ST7: variants seen among roughly 807,000 people sequenced by gnomAD.
ST7 encodes suppressor of tumorigenicity 7 protein.
ST7 carries 28 observed loss-of-function variants against 78.7 expected under a neutral mutation model. The ratio of observed to expected loss-of-function variants is 0.36; its 90% CI spans 0.26 to 0.49. ST7 has a LOEUF of 0.49. ST7 is among the 20% of genes least tolerant of loss of function. ST7 has a pLI of 0.99. For synonymous variants in ST7, 247 were observed against 249.6 expected, an observed-to-expected ratio of 0.99 and a Z score of 0.10; for missense variants, 418 against 696.0, an observed-to-expected ratio of 0.60 and a Z score of 4.49.
chr7:117,171,826 A>G (rs1808013563), intron 10 of ST7, among the ~76,000 whole-genome samples: 1 of 152,048 alleles, frequency 6.6e-6, no homozygotes, highest in Non-Finnish European at 1.5e-5. Context: ...TACTTATTAT[A>G]TAATCATTTT....
At chr7:117,127,169 A>G (rs1324529587) in intron 3 of ST7, among the ~76,000 whole-genome samples, 1 of 151,836 alleles carries the variant, frequency 6.6e-6, no homozygotes, top group Non-Finnish European at 1.5e-5. Flanking sequence ...TTGGAGGTAA[A>G]ATTTTAAATC....
intron 1 of ST7, among the ~76,000 whole-genome samples, chr7:117,033,187 G>A (rs1161751672): frequency 6.6e-6 from 1 of 152,106 alleles, no homozygotes; most frequent in African/African-American, 2.4e-5. Context: ...TTACATAGCA[G>A]CATCAACATG....
intron 1 of ST7, among the ~76,000 whole-genome samples, chr7:117,059,181 TAA>T (rs1369184376): frequency 6.6e-6 from 1 of 152,136 alleles, no homozygotes; most frequent in Non-Finnish European, 1.5e-5. Flanking sequence ...TAGAAATAAC[TAA>T]AAGAGTGTAA....
At chr7:117,061,762 T>A (rs1798368157) in intron 1 of ST7, among the ~76,000 whole-genome samples, 1 of 152,206 alleles carries the variant, frequency 6.6e-6, no homozygotes, top group South Asian at 2.1e-4. Context: ...TAGCCATTAC[T>A]GTGCCAGAAA....
intron 1 of ST7, among the ~76,000 whole-genome samples, chr7:117,004,823 A>G (rs1795093060): frequency 6.6e-6 from 1 of 152,246 alleles, no homozygotes; most frequent in Non-Finnish European, 1.5e-5. Context: ...GATGACAAAG[A>G]TAACTTATCT....
intron 12 of ST7, among the ~76,000 whole-genome samples, chr7:117,193,643 G>A (rs1445824163): frequency 2.0e-5 from 3 of 152,186 alleles, no homozygotes; most frequent in African/African-American, 7.2e-5. Context: ...TCAAATGCTG[G>A]CAGGCACACT....
At chr7:117,144,264 G>A (rs1412428962) in intron 9 of ST7, 1 of 152,090 alleles carries the variant, frequency 6.6e-6, no homozygotes, top group Non-Finnish European at 1.5e-5. Flanking sequence ...CTTGGAGTGG[G>A]AGAGGGAGAG....
chr7:117,035,332 T>C (rs1410043368), intron 1 of ST7, among the ~76,000 whole-genome samples: 1 of 152,166 alleles, frequency 6.6e-6, no homozygotes, highest in Non-Finnish European at 1.5e-5. Flanking sequence ...AATTCAGGGA[T>C]GCAGAATATG....
At chr7:117,204,082 A>G (rs957565596) in intron 12 of ST7, among the ~76,000 whole-genome samples, 18 of 152,142 alleles carry the variant, frequency 1.2e-4, no homozygotes, top group Non-Finnish European at 2.6e-4. Flanking sequence ...TTGCCTCCAT[A>G]TCGGTCGGTT....
chr7:117,215,350 T>C (rs986395853), intron 13 of ST7, among the ~76,000 whole-genome samples: 1 of 152,174 alleles, frequency 6.6e-6, no homozygotes, highest in African/African-American at 2.4e-5. Flanking sequence ...GTTCTATCAC[T>C]TGCATTTCTA....
At chr7:117,043,891 G>A (rs1326354838) in intron 1 of ST7, among the ~76,000 whole-genome samples, 8 of 152,296 alleles carry the variant, frequency 5.3e-5, no homozygotes, top group African/African-American at 1.2e-4. Context: ...TGAAGATGAA[G>A]ATAATGATCT....
At chr7:117,186,671 G>C (rs1280638874) in intron 10 of ST7, among the ~76,000 whole-genome samples, 1 of 152,166 alleles carries the variant, frequency 6.6e-6, no homozygotes, top group Non-Finnish European at 1.5e-5. Flanking sequence ...GCATAGAAAT[G>C]CTTTTAAAAA....
chr7:117,184,050 C>T (rs1327820676), intron 10 of ST7: 3 of 152,202 alleles, frequency 2.0e-5, no homozygotes, highest in Admixed American at 6.5e-5. Context: ...AGGATTATAA[C>T]TTTTAATGAA....
At chr7:117,195,714 C>A (rs955166221) in intron 12 of ST7, among the ~76,000 whole-genome samples, 5 of 152,158 alleles carry the variant, frequency 3.3e-5, no homozygotes, top group Non-Finnish European at 7.3e-5. Context: ...ATGCAGATAA[C>A]CGCTCCCATG....
chr7:117,055,884 C>G (rs372309744), intron 1 of ST7, among the ~76,000 whole-genome samples: 1 of 152,168 alleles, frequency 6.6e-6, no homozygotes, highest in Non-Finnish European at 1.5e-5. Context: ...TTAACTTACA[C>G]GATCACAAGG....
chr7:117,058,193 C>T (rs1798161296), intron 1 of ST7, among the ~76,000 whole-genome samples: 1 of 152,134 alleles, frequency 6.6e-6, no homozygotes, highest in Non-Finnish European at 1.5e-5. Flanking sequence ...GTTCTTTAGC[C>T]AGTCAGGTTA....
At chr7:117,096,990 A>G (rs922064573) in intron 1 of ST7, among the ~76,000 whole-genome samples, 2 of 152,190 alleles carry the variant, frequency 1.3e-5, no homozygotes, top group East Asian at 3.8e-4. Context: ...TTATTGATAT[A>G]TAATCTTAAA....
intron 1 of ST7, among the ~76,000 whole-genome samples, chr7:117,097,908 A>ATATATATATATATATATTTTTTTT: frequency 3.3e-5 from 1 of 30,010 alleles, no homozygotes; most frequent in Non-Finnish European, 5.4e-5. Flanking sequence ...ATATATATAT[A>ATATATATATATATATATTTTTTTT]TTTTTTTTTT....
chr7:117,125,454 T>C (rs1430279863), intron 3 of ST7, among the ~76,000 whole-genome samples: 1 of 152,146 alleles, frequency 6.6e-6, no homozygotes, highest in Non-Finnish European at 1.5e-5. Context: ...GTAACATATT[T>C]GTTGAATTGA....
Sources: gnomAD v4.1 joint callset for allele counts (sites outside exome capture counted in the v4.1 genomes callset) on GRCh38, gnomAD v4.1.1 for gene constraint, MANE v1.5 for transcripts, NCBI Gene and HGNC (gene_info 2026-07-23, HGNC 2026-07-21) for gene names.